Variants in MGST1 observed in about 807,000 individuals in gnomAD.
MGST1 encodes glutathione S-transferase 12.
A neutral mutation model predicts 8.9 loss-of-function variants in MGST1; 5 were observed. The observed-to-expected ratio is 0.56, with a 90% confidence interval of 0.29 to 1.19. MGST1 has a LOEUF of 1.19. Among genes scored for constraint, MGST1 ranks in the 50% most tolerant of loss-of-function variants. The pLI, the probability that MGST1 is intolerant of heterozygous loss-of-function variation, is 0.08. For synonymous variants in MGST1, 54 were observed against 67.8 expected, an observed-to-expected ratio of 0.80 and a Z score of 1.00; for missense variants, 182 against 187.4, an observed-to-expected ratio of 0.97 and a Z score of 0.17.
At position 16,364,289 on chromosome 12, in the gene MGST1, T is replaced by C. The variant is rs1940140608; in HGVS notation, c.*248T>C. The stretch of plus-strand genomic sequence containing the variant: ...AGTACTTTCTTATAAATTTGGATCA[T>C]GTTATGATTTGTAACATTCACACAA... On this transcript the variant is annotated 3_prime_UTR_variant, in exon 4 of 4. Coordinates refer to ENST00000396210, the MANE Select transcript of MGST1 (RefSeq NM_020300.5). The surrounding 1 kb of genome is among the most constrained non-coding windows in gnomAD (Gnocchi z 5.7). The C allele has an allele frequency of 1.7e-6, 2 of 1,157,484 alleles. No individual in the cohort carries two copies. The highest frequency in any genetic ancestry group is 2.1e-6 in the Non-Finnish European group (2 of 937,682). The allele number at this position is 1,157,484 out of a possible 1,614,324, so 71.7% of individuals were successfully genotyped here.
At chr12:16,568,625 A>G (rs1488172023) in intron 4 of MGST1, among the ~76,000 whole-genome samples, 2 of 152,240 alleles carry the variant, frequency 1.3e-5, no homozygotes, top group Non-Finnish European at 2.9e-5. Context: ...ATAATTTTTG[A>G]AAATATTGAT....
At chr12:16,394,532 TTCTTTCTTTCTTTCTTTC>T (rs201567044) in intron 1 of MGST1, among the ~76,000 whole-genome samples, 12,025 of 71,136 alleles carry the variant, frequency 0.17, 1,188 homozygotes, top group East Asian at 0.53. Flanking sequence ...CTTTCTTTCT[TTCTTTCTTTCTTTCTTTC>T]TTTCTTTCTT....
chr12:16,448,039 G>C (rs1941095625), intron 4 of MGST1, among the ~76,000 whole-genome samples: 1 of 151,782 alleles, frequency 6.6e-6, no homozygotes, highest in Admixed American at 6.6e-5. Flanking sequence ...GTAGTTGAAA[G>C]ACACTGTACA....
chr12:16,578,288 T>A (rs1342260564), intron 4 of MGST1, among the ~76,000 whole-genome samples: 2 of 152,192 alleles, frequency 1.3e-5, no homozygotes, highest in African/African-American at 4.8e-5. Flanking sequence ...TTGTATAAAC[T>A]ACTCAAGTTT....
At chr12:16,450,981 T>C (rs1591732421) in intron 4 of MGST1, among the ~76,000 whole-genome samples, 1 of 151,914 alleles carries the variant, frequency 6.6e-6, no homozygotes, top group South Asian at 2.1e-4. Flanking sequence ...CTTACTGTTA[T>C]TTAAATGCTG....
chr12:16,453,887 T>C (rs34402), intron 4 of MGST1, among the ~76,000 whole-genome samples: 151,642 of 152,084 alleles, frequency 1, 75,602 homozygotes, highest in Middle Eastern at 1. Context: ...CTCATCTTAA[T>C]ACTATATCTG....
At chr12:16,425,653 C>T (rs1940879125) in intron 1 of MGST1, among the ~76,000 whole-genome samples, 2 of 152,136 alleles carry the variant, frequency 1.3e-5, no homozygotes, top group Non-Finnish European at 2.9e-5. Context: ...TCCATGATGA[C>T]AACAACTAGA....
intron 4 of MGST1, among the ~76,000 whole-genome samples, chr12:16,539,163 A>G (rs1186719832): frequency 6.6e-6 from 1 of 152,168 alleles, no homozygotes; most frequent in Non-Finnish European, 1.5e-5. Context: ...ATTGAAATTA[A>G]TATGGTGGGT....
At chr12:16,421,911 G>A (rs969181797) in intron 1 of MGST1, among the ~76,000 whole-genome samples, 2 of 152,180 alleles carry the variant, frequency 1.3e-5, no homozygotes, top group Non-Finnish European at 2.9e-5. Context: ...GTTTCATTGA[G>A]GGATGTTGAC....
intron 4 of MGST1, among the ~76,000 whole-genome samples, chr12:16,532,460 G>C (rs1026950154): frequency 6.6e-5 from 10 of 152,140 alleles, no homozygotes; most frequent in Non-Finnish European, 1.5e-4. Context: ...GGGGCTTAAT[G>C]ATCCAGCAAA....
intron 4 of MGST1, among the ~76,000 whole-genome samples, chr12:16,530,625 G>A (rs1941716874): frequency 6.6e-6 from 1 of 152,102 alleles, no homozygotes; most frequent in Non-Finnish European, 1.5e-5. Context: ...AAACATGTCT[G>A]CCTACCCCTT....
chr12:16,502,373 TG>T (rs1941510231), intron 4 of MGST1, among the ~76,000 whole-genome samples: 1 of 152,242 alleles, frequency 6.6e-6, no homozygotes, highest in African/African-American at 2.4e-5. Context: ...TGCAATTGTG[TG>T]GGATTATACT....
intron 1 of MGST1, among the ~76,000 whole-genome samples, chr12:16,392,492 G>C (rs531707431): frequency 6.6e-6 from 1 of 152,202 alleles, no homozygotes; most frequent in South Asian, 2.1e-4. Context: ...TGTTCCCCAG[G>C]CTAACTGGTA....
chr12:16,528,269 C>T (rs1190452500), intron 4 of MGST1, among the ~76,000 whole-genome samples: 7 of 151,950 alleles, frequency 4.6e-5, no homozygotes, highest in African/African-American at 1.7e-4. Flanking sequence ...GTGAAACACA[C>T]AGATATCATC....
intron 3 of MGST1, among the ~76,000 whole-genome samples, chr12:16,358,059 G>GTT (rs1377581656): frequency 6.6e-6 from 1 of 152,114 alleles, no homozygotes; most frequent in African/African-American, 2.4e-5. Flanking sequence ...GAAGAATTAG[G>GTT]TATTTTTGCA....
intron 3 of MGST1, among the ~76,000 whole-genome samples, chr12:16,373,154 A>G (rs1040956779): frequency 2.0e-5 from 3 of 151,752 alleles, no homozygotes; most frequent in Non-Finnish European, 4.4e-5. Flanking sequence ...CAAGCACAGA[A>G]AGACAAATAT....
intron 3 of MGST1, among the ~76,000 whole-genome samples, chr12:16,370,851 A>G (rs1940280261): frequency 6.6e-6 from 1 of 152,228 alleles, no homozygotes; most frequent in South Asian, 2.1e-4. Flanking sequence ...CAGTGATAAA[A>G]TATGAATATC....
intron 4 of MGST1, among the ~76,000 whole-genome samples, chr12:16,526,069 G>GA: frequency 7.1e-6 from 1 of 141,488 alleles, no homozygotes; most frequent in South Asian, 2.2e-4. Context: ...AGTAGGTTGT[G>GA]AAAATTTTCT....
chr12:16,402,963 T>C (rs909161929), intron 1 of MGST1, among the ~76,000 whole-genome samples: 27 of 150,090 alleles, frequency 1.8e-4, no homozygotes, highest in Non-Finnish European at 7.4e-5. Context: ...CTCTATATAT[T>C]TATTATTATT....
Sources: allele counts gnomAD v4.1 joint callset (sites outside exome capture counted in the v4.1 genomes callset), GRCh38; gene constraint gnomAD v4.1.1; non-coding constraint Gnocchi (gnomAD v3.1); transcripts MANE v1.5; gene names NCBI Gene and HGNC (gene_info 2026-07-23, HGNC 2026-07-21).